The following TTLL1 variants were observed in gnomAD, a reference collection of about 807,000 sequenced individuals.
TTLL1 encodes the protein polyglutamylase complex subunit TTLL1.
In TTLL1, 33 loss-of-function variants were observed where a neutral mutation model predicts 47.8. The ratio of observed to expected loss-of-function variants is 0.69; its 90% CI spans 0.52 to 0.92. The LOEUF is 0.92. TTLL1 is among the 40% of genes least tolerant of loss of function. The pLI is 0.00. For missense variants in TTLL1, 488 were observed against 547.5 expected, an observed-to-expected ratio of 0.89 and a Z score of 1.08; for synonymous variants, 225 against 214.1, an observed-to-expected ratio of 1.05 and a Z score of -0.45.
intron 2 of TTLL1, among the ~76,000 whole-genome samples, chr22:43,079,383 C>G (rs976921877): frequency 9.2e-5 from 14 of 151,704 alleles, no homozygotes; most frequent in Non-Finnish European, 1.5e-4. Flanking sequence ...GACATGGGGA[C>G]CACGGGAGCT....
intron 9 of TTLL1, among the ~76,000 whole-genome samples, chr22:43,046,814 C>A (rs1466215565): frequency 1.3e-5 from 2 of 152,116 alleles, no homozygotes; most frequent in African/African-American, 2.4e-5. Flanking sequence ...GGACTACAGG[C>A]ACACACCAAC....
chr22:43,061,283 C>A (rs541930287), intron 7 of TTLL1, among the ~76,000 whole-genome samples: 26 of 152,146 alleles, frequency 1.7e-4, no homozygotes, highest in Admixed American at 6.6e-4. Context: ...GAAGGGGAAG[C>A]GAGTTAGGCC....
chr22:43,076,776 A>G (rs1338245494), intron 2 of TTLL1, among the ~76,000 whole-genome samples: 2 of 149,776 alleles, frequency 1.3e-5, no homozygotes, highest in Non-Finnish European at 2.9e-5. Context: ...ATAATAAATC[A>G]AATAAAATAA....
At chr22:43,067,751 AC>A (rs1359127823) in intron 5 of TTLL1, among the ~76,000 whole-genome samples, 4 of 151,712 alleles carry the variant, frequency 2.6e-5, no homozygotes, top group Non-Finnish European at 5.9e-5. Flanking sequence ...TGGGTGGATC[AC>A]CCTGAGGTCA....
At chr22:43,049,092 A>T (rs1926387176) in intron 9 of TTLL1, among the ~76,000 whole-genome samples, 1 of 152,042 alleles carries the variant, frequency 6.6e-6, no homozygotes. Flanking sequence ...TCTGCAATAT[A>T]TCCATGTAAC....
intron 1 of TTLL1, among the ~76,000 whole-genome samples, chr22:43,082,063 G>A (rs1226819797): frequency 6.6e-6 from 1 of 151,572 alleles, no homozygotes; most frequent in Non-Finnish European, 1.5e-5. Context: ...TGTTTACCAG[G>A]CTAGTCTCAA....
At chr22:43,055,767 C>A (rs1926957357) in intron 8 of TTLL1, among the ~76,000 whole-genome samples, 1 of 152,122 alleles carries the variant, frequency 6.6e-6, no homozygotes, top group Non-Finnish European at 1.5e-5. Context: ...AGCCACCACG[C>A]CCAGCCTCTT....
rs550739628 is a variant in TTLL1, at chr22:43,076,878, G to A, written c.-4-1288C>T. Among the ~76,000 whole-genome samples the A allele has an allele frequency of 2.0e-5, 3 of 152,040 alleles. No individual in the cohort carries two copies. In the South Asian group the frequency reaches 6.2e-4, roughly 32 times the overall value. On this transcript the variant is annotated intron_variant, in intron 2 of 10. Coordinates refer to ENST00000266254, the MANE Select transcript of TTLL1 (RefSeq NM_012263.5). ...GCACTTTGGGAGGCCGAGGCAGGTG[G>A]ATCACGAGGTCAGGAGATCGAGACC...
chr22:43,073,825 A>ATTTTTTTTTTTTTTTTTTTTTTTTT (rs201227645), intron 3 of TTLL1, among the ~76,000 whole-genome samples: 1 of 143,308 alleles, frequency 7.0e-6, no homozygotes. Context: ...TTATTTATTT[A>ATTTTTTTTTTTTTTTTTTTTTTTTT]TTTATTTATT....
intron 8 of TTLL1, among the ~76,000 whole-genome samples, chr22:43,054,041 C>T (rs931190846): frequency 4.6e-5 from 7 of 152,196 alleles, no homozygotes; most frequent in East Asian, 3.9e-4. Context: ...TTCACACATA[C>T]GCCGTGACAC....
intron 1 of TTLL1, among the ~76,000 whole-genome samples, chr22:43,085,802 C>T (rs5759155): frequency 6.6e-6 from 1 of 152,172 alleles, no homozygotes; most frequent in African/African-American, 2.4e-5. Context: ...AGCCTACACG[C>T]TTCCCTCCCA....
Position 43,069,853 on chromosome 22 carries a change from G to C in TTLL1, c.114-9C>G, listed in dbSNP as rs373034843. The C allele has an allele frequency of 9.5e-5, 153 of 1,613,732 alleles. No individual in the cohort carries two copies. Among genetic ancestry groups the C allele is most frequent in the Non-Finnish European group, 1.3e-4 (150 of 1,179,930 alleles). On this transcript the variant is annotated splice_polypyrimidine_tract_variant and intron_variant, in intron 3 of 10. Transcript: ENST00000266254. ...TGGTTTGCACACTCATCCTGAAAGA[G>C]ATGAGCAGGAGAGACACTTGGCAGT...
At chr22:43,075,063 C>T (rs1029122501) in intron 3 of TTLL1, among the ~76,000 whole-genome samples, 101 of 152,052 alleles carry the variant, frequency 6.6e-4, no homozygotes, top group African/African-American at 2.4e-3. Flanking sequence ...TACTTGGGAG[C>T]CTAAGGCAGG....
intron 1 of TTLL1, among the ~76,000 whole-genome samples, chr22:43,087,969 G>A (rs971190517): frequency 5.2e-4 from 79 of 151,856 alleles, no homozygotes; most frequent in Admixed American, 1.2e-3. Flanking sequence ...CCAACATGGC[G>A]AAACCCCATC....
At chr22:43,048,281 C>T (rs1009335294) in intron 9 of TTLL1, among the ~76,000 whole-genome samples, 1 of 151,140 alleles carries the variant, frequency 6.6e-6, no homozygotes, top group African/African-American at 2.4e-5. Context: ...CACGCCACTG[C>T]GCTCCAGCCT....
chr22:43,082,058 A>G (rs1385127587), intron 1 of TTLL1, among the ~76,000 whole-genome samples: 2 of 150,096 alleles, frequency 1.3e-5, no homozygotes, highest in African/African-American at 4.9e-5. Context: ...CACCATGTTT[A>G]CCAGGCTAGT....
chr22:43,058,335 G>A (rs1927162520), intron 8 of TTLL1, among the ~76,000 whole-genome samples: 1 of 152,006 alleles, frequency 6.6e-6, no homozygotes, highest in Admixed American at 6.6e-5. Flanking sequence ...CTTTAACACG[G>A]TAAAACAAAA....
At chr22:43,062,521 G>GA (rs1180705243) in intron 7 of TTLL1, among the ~76,000 whole-genome samples, 11 of 144,980 alleles carry the variant, frequency 7.6e-5, no homozygotes, top group South Asian at 6.7e-4. Flanking sequence ...AAAGAAAAAA[G>GA]AAAAAAAAAG....
At chr22:43,043,538 T>C (rs68136203) in intron 10 of TTLL1, among the ~76,000 whole-genome samples, 44,419 of 151,684 alleles carry the variant, frequency 0.29, 6,765 homozygotes, top group Middle Eastern at 0.42. Context: ...CCCTTCACCT[T>C]CCAGGCTGCC....
Sources: allele counts gnomAD v4.1 joint callset (sites outside exome capture counted in the v4.1 genomes callset), GRCh38; gene constraint gnomAD v4.1.1; transcripts MANE v1.5; gene names NCBI Gene and HGNC (gene_info 2026-07-23, HGNC 2026-07-21).